SYCE3: variants seen among roughly 807,000 people sequenced by gnomAD.
SYCE3 encodes the protein synaptonemal complex central element protein 3.
A neutral mutation model predicts 8.1 loss-of-function variants in SYCE3; 3 were observed. The observed-to-expected ratio is 0.37, with a 90% CI of 0.17 to 0.96. The LOEUF is 0.96. SYCE3 is among the 40% of genes least tolerant of loss of function. The pLI is 0.41. For missense variants in SYCE3, 83 were observed against 110.0 expected, an observed-to-expected ratio of 0.75 and a Z score of 1.10; for synonymous variants, 36 against 38.7, an observed-to-expected ratio of 0.93 and a Z score of 0.26.
At chr22:50,561,304 G>A (rs974530214) in intron 1 of SYCE3, among the ~76,000 whole-genome samples, 1 of 152,074 alleles carries the variant, frequency 6.6e-6, no homozygotes, top group East Asian at 1.9e-4. Context: ...GGCCGGAGTG[G>A]CACTGGATCT....
chr22:50,556,040 G>A (rs533043849), intron 2 of SYCE3, among the ~76,000 whole-genome samples: 13 of 152,126 alleles, frequency 8.5e-5, no homozygotes, highest in Non-Finnish European at 1.6e-4. Context: ...TGATCCACCC[G>A]TCTCGGCCTC....
At chr22:50,556,085 G>C (rs1249698594) in intron 2 of SYCE3, among the ~76,000 whole-genome samples, 1 of 152,056 alleles carries the variant, frequency 6.6e-6, no homozygotes, top group South Asian at 2.1e-4. Flanking sequence ...GAGCCACCGC[G>C]CCCGGCCGAA....
At chr22:50,561,251 G>T (rs2069911779) in intron 1 of SYCE3, among the ~76,000 whole-genome samples, 1 of 152,154 alleles carries the variant, frequency 6.6e-6, no homozygotes, top group African/African-American at 2.4e-5. Context: ...GCCACAGGTA[G>T]ATTTGGGGAT....
At chr22:50,555,078 C>T (rs911821139) in intron 2 of SYCE3, among the ~76,000 whole-genome samples, 8 of 150,910 alleles carry the variant, frequency 5.3e-5, no homozygotes, top group Admixed American at 2.0e-4. Flanking sequence ...GCCGAGATCA[C>T]GCCACTGTAC....
chr22:50,558,290 G>A (rs958130081), intron 1 of SYCE3, among the ~76,000 whole-genome samples: 2 of 152,080 alleles, frequency 1.3e-5, no homozygotes, highest in African/African-American at 2.4e-5. Context: ...CGGGTGTGGC[G>A]GCAGGTGCCT....
chr22:50,559,079 A>T (rs1272370176), intron 1 of SYCE3, among the ~76,000 whole-genome samples: 2 of 150,974 alleles, frequency 1.3e-5, no homozygotes, highest in Non-Finnish European at 2.9e-5. Context: ...TACTGGCTCT[A>T]ATGGGTCAAG....
At chr22:50,561,556 C>T (rs558210104) in intron 1 of SYCE3, among the ~76,000 whole-genome samples, 21 of 102,202 alleles carry the variant, frequency 2.1e-4, no homozygotes, top group African/African-American at 8.6e-4. Context: ...GGGGCGGGAG[C>T]GTGGGGCGGG....
At chr22:50,556,748 G>A (rs1450460113) in intron 1 of SYCE3, among the ~76,000 whole-genome samples, 2 of 152,100 alleles carry the variant, frequency 1.3e-5, no homozygotes, top group Non-Finnish European at 2.9e-5. Context: ...ACCATATTGA[G>A]TACCCACTAA....
chr22:50,554,618 C>T (rs987352973), intron 2 of SYCE3, among the ~76,000 whole-genome samples: 6 of 145,772 alleles, frequency 4.1e-5, no homozygotes, highest in Admixed American at 2.2e-4. Flanking sequence ...CACTTGAACC[C>T]GAGAGGCGGA....
intron 1 of SYCE3, among the ~76,000 whole-genome samples, chr22:50,559,730 C>T (rs1257562272): frequency 1.3e-5 from 2 of 152,066 alleles, no homozygotes; most frequent in Non-Finnish European, 2.9e-5. Context: ...GAGTTCGAGA[C>T]CCGCCTGGCC....
intron 2 of SYCE3, among the ~76,000 whole-genome samples, chr22:50,555,591 C>T (rs1343706732): frequency 2.6e-5 from 4 of 152,156 alleles, no homozygotes; most frequent in South Asian, 2.1e-4. Context: ...GCCTGCTACC[C>T]GGAGGCTTCA....
At chr22:50,551,515 G>T in intron 2 of SYCE3, 113 bp from the exon 3 acceptor site, 1 of 1,151,212 alleles carries the variant, frequency 8.7e-7, no homozygotes, top group Non-Finnish European at 1.2e-6. Context: ...CCCAGATCCT[G>T]CTGAGGCACC....
At position 50,552,380 on chromosome 22, in the gene SYCE3, C is replaced by T. The variant is rs531271338; in HGVS notation, c.110-978G>A. 1.0e-3 allele frequency among the ~76,000 whole-genome samples: 154 copies of T among 152,212 alleles called. 1 individual carries two copies. The highest frequency in any genetic ancestry group is 6.8e-3 in the Middle Eastern group (2 of 294). ...GCAATGTATCAATCTCGGCCGGGTG[C>T]GGTGGCTCACGCCTGTAATCCCAGC... On this transcript the variant is annotated intron_variant, in intron 2 of 2. Coordinates refer to ENST00000406915, the MANE Select transcript of SYCE3 (RefSeq NM_001123225.3).
At chr22:50,559,884 T>C (rs2069897555) in intron 1 of SYCE3, among the ~76,000 whole-genome samples, 1 of 152,036 alleles carries the variant, frequency 6.6e-6, no homozygotes, top group Admixed American at 6.6e-5. Context: ...GCCGAGATCA[T>C]GCCACTGCAC....
chr22:50,556,216 G>A (rs1274186999), intron 2 of SYCE3, 81 bp downstream of exon 2: 17 of 960,914 alleles, frequency 1.8e-5, no homozygotes, highest in Non-Finnish European at 2.5e-5. Flanking sequence ...TGTGTCACAG[G>A]TGCATCTTTA....
intron 2 of SYCE3, among the ~76,000 whole-genome samples, chr22:50,554,504 G>C (rs543798814): frequency 2.0e-5 from 3 of 151,634 alleles, no homozygotes; most frequent in Non-Finnish European, 4.4e-5. Flanking sequence ...GACCAGCCTG[G>C]CCAAAATGGT....
chr22:50,559,886 C>T (rs1339328343), intron 1 of SYCE3, among the ~76,000 whole-genome samples: 1 of 152,138 alleles, frequency 6.6e-6, no homozygotes, highest in African/African-American at 2.4e-5. Flanking sequence ...CGAGATCATG[C>T]CACTGCACTC....
chr22:50,561,876 G>A (rs1279970082), intron 1 of SYCE3, among the ~76,000 whole-genome samples: 1 of 149,354 alleles, frequency 6.7e-6, no homozygotes, highest in Non-Finnish European at 1.5e-5. Context: ...AGCCAGAGGT[G>A]CGTGTGGGAA....
At chr22:50,557,170 T>TC (rs1603442816) in intron 1 of SYCE3, among the ~76,000 whole-genome samples, 4 of 151,518 alleles carry the variant, frequency 2.6e-5, no homozygotes, top group South Asian at 4.2e-4. Flanking sequence ...TTTTTTTTTT[T>TC]TTTGAGACGA....
Sources: allele counts gnomAD v4.1 joint callset (sites outside exome capture counted in the v4.1 genomes callset), GRCh38; gene constraint gnomAD v4.1.1; transcripts MANE v1.5; gene names NCBI Gene and HGNC (gene_info 2026-07-23, HGNC 2026-07-21).